ZNFX1: variants seen among roughly 807,000 people sequenced by gnomAD.
The protein encoded by ZNFX1 is zinc finger NFX1-type containing 1, also known as NFX1-type zinc finger-containing protein 1.
In ZNFX1, 78 loss-of-function variants were observed where a neutral mutation model predicts 179.8. That is an observed-to-expected ratio of 0.43 (90% CI 0.36 to 0.52). The LOEUF (loss-of-function observed/expected upper bound fraction) is 0.52, where lower values mean the gene tolerates loss of function less well. ZNFX1 is among the 20% of genes least tolerant of loss of function. ZNFX1 has a pLI of 0.00. For synonymous variants in ZNFX1, 848 were observed against 868.5 expected (o/e 0.98, Z 0.42); for missense variants, 1,927 against 2,386.6 (o/e 0.81, Z 4.01).
At chr20:49,257,705 T>A (rs1981005134) in intron 7 of ZNFX1, 41 bp from the exon 8 acceptor site, 1 of 732,176 alleles carries the variant, frequency 1.4e-6, no homozygotes, top group Non-Finnish European at 2.0e-6. Context: ...GAAAACTCTT[T>A]TTTTTTTTTT....
At chr20:49,249,893 C>CATA (rs1980795923) in intron 13 of ZNFX1, among the ~76,000 whole-genome samples, 182 bp from the exon 14 acceptor site, 3 of 152,106 alleles carry the variant, frequency 2.0e-5, no homozygotes, top group Non-Finnish European at 4.4e-5. Context: ...ATTTTGGGGC[C>CATA]ACAGCAAGTT....
rs772846220 is a variant in ZNFX1, at chr20:49,270,762, C to T, written c.1050G>A (p.Arg350=). 1.2e-6 allele frequency: 2 copies of T among 1,614,068 alleles called. No homozygotes were observed. The highest frequency in any genetic ancestry group is 1.7e-6 in the Non-Finnish European group (2 of 1,180,026). ...AAATGATATTGGGGCGAAGGAAGGG[C>T]CTCTCATCCAAGTGCACTTCATTGT... ...PTYNEVHLDE[R]PFLRPNIISG... is the part of the protein sequence containing the mutation. Residue 350 remains arginine (R), a synonymous_variant, in exon 3 of 14, where the codon AGG becomes AGA. Transcript: ENST00000396105. This position sits in a 1 kb window ranked among gnomAD's most constrained non-coding sequence, Gnocchi z 4.6.
rs889246814 is a variant in ZNFX1, at chr20:49,270,520, T to C, written c.1292A>G (p.Gln431Arg). 2 of 1,614,166 alleles carry C rather than the reference T, an allele frequency of 1.2e-6. No homozygotes were observed. Among genetic ancestry groups the C allele is most frequent in the Non-Finnish European group, 1.7e-6 (2 of 1,180,062 alleles). The change falls in exon 3 of 14, where the codon CAG becomes CGG. Residue 431 changes from glutamine to arginine, a missense_variant. Physicochemically the swap from Gln to Arg is conservative, Grantham distance 43 (BLOSUM62 1). Transcript: ENST00000396105. This position sits in a 1 kb window ranked among gnomAD's most constrained non-coding sequence, Gnocchi z 4.6. ...CSSSGIVYKV[Q>R]FDTKPLKFVR... The stretch of plus-strand genomic sequence containing the variant: ...AAACTTCAGTGGTTTTGTGTCAAAC[T>C]GCACCTTGTAGACTATGCCTGATGA...
At position 49,257,412 on chromosome 20, in the gene ZNFX1, T is replaced by A; in HGVS notation, c.2664+5A>T. On this transcript the variant is annotated splice_donor_5th_base_variant and intron_variant, in intron 8 of 13. Coordinates refer to ENST00000396105, the MANE Select transcript of ZNFX1 (RefSeq NM_021035.3). ...GCCTGTTTCAACCCAAGGAAGTGAGTTTACCTGCCACTCTCCTGTGGCTTG... is the reference window on the plus strand; with the variant it reads ...GCCTGTTTCAACCCAAGGAAGTGAGATTACCTGCCACTCTCCTGTGGCTTG... 2.5e-6 allele frequency: 4 copies of A among 1,613,606 alleles called. No individual in the cohort carries two copies. The highest frequency in any genetic ancestry group is 3.4e-6 in the Non-Finnish European group (4 of 1,179,794).
At chr20:49,262,241 C>G (rs1235752242) in intron 6 of ZNFX1, among the ~76,000 whole-genome samples, 1 of 151,170 alleles carries the variant, frequency 6.6e-6, no homozygotes, top group Non-Finnish European at 1.5e-5. Flanking sequence ...GTGGTGAAAC[C>G]CTGTCTCTAC....
rs1479723958 is a variant in ZNFX1, at chr20:49,247,568, G to T, written c.5456C>A (p.Thr1819Asn). 1.9e-6 allele frequency: 3 copies of T among 1,614,234 alleles called. No individual in the cohort carries two copies. The highest frequency in any genetic ancestry group is 1.7e-5 in the Admixed American group (1 of 60,034). ...GATGCCCAGGCCAGAGCAGGGAAGG[G>T]TGGCTTTCAGAGCTTCCATCTTTTC... ...VQEKMEALKA[T>N]LPCSGLGISE... The change falls in exon 14 of 14, where the codon ACC becomes AAC. Residue 1819 changes from threonine (T) to asparagine (N), a missense_variant. Coordinates refer to ENST00000396105, the MANE Select transcript of ZNFX1 (RefSeq NM_021035.3).
At chr20:49,267,142 C>T (rs1054642345) in intron 3 of ZNFX1, among the ~76,000 whole-genome samples, 4 of 152,092 alleles carry the variant, frequency 2.6e-5, no homozygotes, top group Admixed American at 6.6e-5. Context: ...GTGATCTGTC[C>T]GCCTTGGCCT....
At chr20:49,277,112 G>T (rs1050492416) in intron 1 of ZNFX1, among the ~76,000 whole-genome samples, 13 of 152,128 alleles carry the variant, frequency 8.5e-5, no homozygotes, top group African/African-American at 2.9e-4. Flanking sequence ...TTGGTGGGGG[G>T]AATCAAGGCC....
intron 12 of ZNFX1, among the ~76,000 whole-genome samples, chr20:49,251,967 G>C (rs1488916170): frequency 6.6e-6 from 1 of 150,700 alleles, no homozygotes; most frequent in Non-Finnish European, 1.5e-5. Flanking sequence ...AAGTAGCTGG[G>C]ACTACAGGCA....
At position 49,270,687 on chromosome 20, in the gene ZNFX1, G is replaced by T; in HGVS notation, c.1125C>A (p.Leu375=). Residue 375 remains leucine, a synonymous_variant, in exon 3 of 14, where the codon CTC becomes CTA. Transcript: ENST00000396105. The surrounding 1 kb of genome is among the most constrained non-coding windows in gnomAD (Gnocchi z 4.6). Reference sequence around the variant, plus strand: ...AAGGTCTGACGAAATCTTCTCGCAGGAGCCGGAAGTGGGTATCCAGATAGA... The same window carrying T: ...AAGGTCTGACGAAATCTTCTCGCAGTAGCCGGAAGTGGGTATCCAGATAGA... The part of the protein sequence containing the change: ...TAIYLDTHFR[L]LREDFVRPLR... 3 of 1,614,174 alleles carry T rather than the reference G, an allele frequency of 1.9e-6. No individual in the cohort carries two copies. The highest frequency in any genetic ancestry group is 3.3e-4 in the Middle Eastern group (2 of 6,060).
Position 49,263,421 on chromosome 20 carries a change from G to A in ZNFX1, c.2214C>T (p.Cys738=). ...GTTCCCGTAGGACACCACGCATGGT[G>A]CACTCCAGGGTCTTGGCTCCTTCAT... The part of the protein sequence containing the change: ...ELHEGAKTLE[C]TMRGVLREQY... Residue 738 remains cysteine, a synonymous_variant, in exon 6 of 14, where the codon TGC becomes TGT. Transcript: ENST00000396105. 1.9e-6 allele frequency: 3 copies of A among 1,612,284 alleles called. No individual in the cohort carries two copies. Among genetic ancestry groups the A allele is most frequent in the Non-Finnish European group, 1.7e-6 (2 of 1,179,146 alleles).
chr20:49,257,592 T>C lies in ZNFX1; in HGVS notation c.2489A>G (p.Asp830Gly), dbSNP rs751131123. 6.2e-7 allele frequency: 1 copy of C among 1,613,982 alleles called. No individual in the cohort carries two copies. The highest frequency in any genetic ancestry group is 8.5e-7 in the Non-Finnish European group (1 of 1,180,012). Residue 830 changes from aspartate to glycine, a missense_variant, in exon 8 of 14, where the codon GAC becomes GGC. Physicochemically the swap from Asp to Gly is moderately conservative, Grantham distance 94. Coordinates refer to ENST00000396105, the MANE Select transcript of ZNFX1 (RefSeq NM_021035.3). The part of the protein sequence containing the change: ...SSLIEIAEEA[D>G]LIQADRVIEE... Reference sequence around the variant, plus strand: ...AATCACCCGGTCTGCTTGAATCAGGTCAGCTTCCTCTGCGATCTCTATCAG... The same window carrying C: ...AATCACCCGGTCTGCTTGAATCAGGCCAGCTTCCTCTGCGATCTCTATCAG...
intron 1 of ZNFX1, among the ~76,000 whole-genome samples, chr20:49,277,400 G>A (rs1981600765): frequency 6.6e-6 from 1 of 150,814 alleles, no homozygotes; most frequent in Non-Finnish European, 1.5e-5. Flanking sequence ...GCTTGCTGAG[G>A]ACGGAGGCGG....
intron 2 of ZNFX1, among the ~76,000 whole-genome samples, chr20:49,272,021 T>C (rs1322336774): frequency 6.6e-6 from 1 of 152,164 alleles, no homozygotes; most frequent in Admixed American, 6.5e-5. Flanking sequence ...AATAAATACA[T>C]ACAGTATGTC....
intron 8 of ZNFX1, 91 bp downstream of exon 8, chr20:49,257,326 A>G: frequency 1.3e-6 from 2 of 1,537,984 alleles, no homozygotes; most frequent in Admixed American, 3.7e-5. Flanking sequence ...GCTAATTGTA[A>G]TGGTGAAGTG....
rs753289350 is a variant in ZNFX1, at chr20:49,254,617, C to T, written c.2837G>A (p.Arg946His). ...LWLQLYQADTRRKILSYERQY... is the reference protein window; with the variant it reads ...LWLQLYQADTHRKILSYERQY... ...GCGTTCATAGCTGAGGATCTTCCGG[C>T]GGGTGTCAGCCTGGTACAACTGTAG... The change falls in exon 10 of 14, where the codon CGC becomes CAC. Residue 946 changes from arginine (R) to histidine (H), a missense_variant. Coordinates refer to ENST00000396105, the MANE Select transcript of ZNFX1 (RefSeq NM_021035.3). 19 of 1,613,860 alleles carry T rather than the reference C, an allele frequency of 1.2e-5. No homozygotes were observed. The highest frequency in any genetic ancestry group is 1.5e-5 in the Non-Finnish European group (18 of 1,180,018).
At chr20:49,262,738 T>C (rs906342005) in intron 6 of ZNFX1, among the ~76,000 whole-genome samples, 1 of 152,232 alleles carries the variant, frequency 6.6e-6, no homozygotes, top group African/African-American at 2.4e-5. Flanking sequence ...CTCAGTTATT[T>C]CTTACCATAT....
intron 6 of ZNFX1, 32 bp from the exon 7 acceptor site, chr20:49,260,609 T>G: frequency 6.7e-7 from 1 of 1,501,478 alleles, no homozygotes; most frequent in Non-Finnish European, 9.1e-7. Flanking sequence ...TTTGTGAGGA[T>G]TCTATGACAA....
Position 49,269,923 on chromosome 20 carries a change from C to CTA in ZNFX1, c.1870+17_1870+18dup, listed in dbSNP as rs749681622. ...TCTTACAAAGCAGATCTTATGTACT[C>CTA]TAAAAAATTTTGTCTTACCTGTTCC... On this transcript the variant is annotated intron_variant, in intron 3 of 13. Coordinates refer to ENST00000396105, the MANE Select transcript of ZNFX1 (RefSeq NM_021035.3). 4.5e-6 allele frequency: 7 copies of CTA among 1,569,464 alleles called. No individual in the cohort carries two copies. The highest frequency in any genetic ancestry group is 4.3e-6 in the Non-Finnish European group (5 of 1,161,194).
Sources: gnomAD v4.1 joint callset for allele counts (sites outside exome capture counted in the v4.1 genomes callset) on GRCh38, gnomAD v4.1.1 for gene constraint, Gnocchi (gnomAD v3.1) non-coding constraint, MANE v1.5 for transcripts, NCBI Gene and HGNC (gene_info 2026-07-23, HGNC 2026-07-21) for gene names.